ZNF813: variants seen among roughly 807,000 people sequenced by gnomAD.
ZNF813 encodes zinc finger protein 813.
In ZNF813, 3 loss-of-function variants were observed where a neutral mutation model predicts 7.2. That is an observed-to-expected ratio of 0.42 (90% CI 0.19 to 1.08). The LOEUF is 1.08. Ranked by LOEUF, ZNF813 falls within the 50% of genes least tolerant of loss-of-function variation. The pLI, the probability that ZNF813 is intolerant of heterozygous loss-of-function variation, is 0.30. For synonymous variants in ZNF813, 227 were observed against 256.3 expected (o/e 0.89, Z 1.09); for missense variants, 714 against 753.3 (o/e 0.95, Z 0.61).
chr19:53,483,941 G>T, intron 2 of ZNF813, 104 bp downstream of exon 2: 1 of 1,601,872 alleles, frequency 6.2e-7, no homozygotes, highest in East Asian at 2.2e-5. Flanking sequence ...TGCCTGACAG[G>T]TTTGCTCACA....
chr19:53,468,985 T>A (rs925456509), intron 1 of ZNF813, among the ~76,000 whole-genome samples: 1 of 149,170 alleles, frequency 6.7e-6, no homozygotes, highest in Non-Finnish European at 1.5e-5. Flanking sequence ...GGGGGGAAAC[T>A]TGGACAATAC....
chr19:53,470,610 T>C (rs1193347547), intron 1 of ZNF813, among the ~76,000 whole-genome samples: 2 of 130,622 alleles, frequency 1.5e-5, no homozygotes, highest in African/African-American at 6.1e-5. Context: ...CAATTCTTAG[T>C]ATTTCTAGAA....
chr19:53,494,766 T>C lies in ZNF813; in HGVS notation c.*2680T>C. The C allele has an allele frequency of 6.6e-6, 1 of 152,380 alleles. No individual in the cohort carries two copies. The highest frequency in any genetic ancestry group is 1.5e-5 in the Non-Finnish European group (1 of 68,066). The allele number at this position is 152,380 out of a possible 1,614,324, so 9.4% of individuals were successfully genotyped here. ...GACCAGATGCAGTGGCTCAGGCCTGTAATCCCAGCACTTTCAGAGGCCAAG... is the reference window on the plus strand; with the variant it reads ...GACCAGATGCAGTGGCTCAGGCCTGCAATCCCAGCACTTTCAGAGGCCAAG... On this transcript the variant is annotated 3_prime_UTR_variant, in exon 4 of 4. Transcript: ENST00000396403.
At chr19:53,488,341 C>A (rs1481987946) in intron 3 of ZNF813, 1 of 427,258 alleles carries the variant, frequency 2.3e-6, no homozygotes, top group South Asian at 1.7e-5. Context: ...TTTTAATTTA[C>A]CTTTACTGGA....
Position 53,491,568 on chromosome 19 carries a change from A to G in ZNF813, c.1336A>G (p.Lys446Glu), listed in dbSNP as rs2086462558. Residue 446 changes from lysine to glutamate, a missense_variant, in exon 4 of 4, where the codon AAG (lysine) becomes GAG (glutamate). Transcript: ENST00000396403. ...EKPYKCTECVKTFSRNSALVI... is the reference protein window; with the variant it reads ...EKPYKCTECVETFSRNSALVI... The stretch of plus-strand genomic sequence containing the variant: ...ACCCTACAAGTGTACTGAGTGTGTC[A>G]AGACGTTCAGTCGAAATTCAGCCCT... The G allele has an allele frequency of 6.3e-7, 1 of 1,584,792 alleles. No individual in the cohort carries two copies. The highest frequency in any genetic ancestry group is 1.3e-5 in the African/African-American group (1 of 74,576).
At chr19:53,488,838 T>C (rs1186392514) in intron 3 of ZNF813, among the ~76,000 whole-genome samples, 1 of 152,214 alleles carries the variant, frequency 6.6e-6, no homozygotes, top group African/African-American at 2.4e-5. Flanking sequence ...ATAGAAGTTG[T>C]GGCTTTTTTC....
At position 53,468,665 on chromosome 19, in the gene ZNF813, T is replaced by C. The variant is rs759490898; in HGVS notation, c.-74+876T>C. Among the ~76,000 whole-genome samples, 18 of 152,342 alleles carry C rather than the reference T, an allele frequency of 1.2e-4. 1 individual carries two copies. The highest frequency in any genetic ancestry group is 4.1e-4 in the African/African-American group (17 of 41,588). On this transcript the variant is annotated intron_variant, in intron 1 of 3. Transcript: ENST00000396403. ...CAGATGTGCACGTAGGCTAGATTTA[T>C]GTTTCTCTTCACCCAAACATCTCAG...
intron 2 of ZNF813, 114 bp from the exon 3 acceptor site, chr19:53,486,518 G>C: frequency 6.3e-7 from 1 of 1,586,704 alleles, no homozygotes; most frequent in Non-Finnish European, 8.6e-7. Context: ...ACTCGGATTT[G>C]TCAGAACATT....
At chr19:53,484,304 GT>G (rs2086422720) in intron 2 of ZNF813, among the ~76,000 whole-genome samples, 1 of 152,160 alleles carries the variant, frequency 6.6e-6, no homozygotes, top group African/African-American at 2.4e-5. Context: ...AGTTTTTTGA[GT>G]GAGTTACTGT....
chr19:53,479,326 G>A (rs1367418018), intron 1 of ZNF813: 7 of 1,588,564 alleles, frequency 4.4e-6, no homozygotes, highest in Non-Finnish European at 6.0e-6. Context: ...GAACCGGAGT[G>A]TGAGCAGTAG....
intron 1 of ZNF813, among the ~76,000 whole-genome samples, chr19:53,472,263 G>T (rs538699204): frequency 6.6e-6 from 1 of 152,254 alleles, no homozygotes; most frequent in African/African-American, 2.4e-5. Flanking sequence ...GGCCTTTGTT[G>T]TGTGCTGGGG....
chr19:53,489,759 T>G (rs546275563), intron 3 of ZNF813, among the ~76,000 whole-genome samples: 3 of 152,244 alleles, frequency 2.0e-5, no homozygotes, highest in African/African-American at 7.2e-5. Flanking sequence ...AGTACAGTGT[T>G]GCAATCTCAG....
intron 1 of ZNF813, chr19:53,479,425 T>C (rs1299005609): frequency 6.4e-7 from 1 of 1,565,232 alleles, no homozygotes; most frequent in African/African-American, 1.4e-5. Context: ...TGATGAGGAG[T>C]GAGCTGAGCA....
At chr19:53,473,866 G>A (rs1298124842) in intron 1 of ZNF813, among the ~76,000 whole-genome samples, 1 of 152,132 alleles carries the variant, frequency 6.6e-6, no homozygotes, top group Admixed American at 6.5e-5. Context: ...TTATTTGGTG[G>A]GGGTGCACCT....
chr19:53,481,851 A>G (rs2086409858), intron 1 of ZNF813, among the ~76,000 whole-genome samples: 1 of 152,206 alleles, frequency 6.6e-6, no homozygotes, highest in Admixed American at 6.5e-5. Flanking sequence ...GCCCAGGCAT[A>G]TGAAAGATGC....
intron 1 of ZNF813, among the ~76,000 whole-genome samples, chr19:53,480,592 T>C (rs568583205): frequency 6.6e-6 from 1 of 152,324 alleles, no homozygotes; most frequent in Admixed American, 6.5e-5. Flanking sequence ...ATTGAAAACC[T>C]TTAGTACCGA....
intron 1 of ZNF813, among the ~76,000 whole-genome samples, chr19:53,476,093 AGTGTTCCTT>A (rs1211993242): frequency 2.0e-5 from 3 of 152,190 alleles, no homozygotes; most frequent in East Asian, 3.9e-4. Context: ...TAGCCAAGCC[AGTGTTCCTT>A]GTGGCTCACT....
rs2086469216 is a variant in ZNF813, at chr19:53,492,588, TACTC to T, written c.*505_*508del. ...AAAGCCTTAATGAGCAGTCAACACT[TACTC>T]ACCATCAGGCAATCCATGGTGAAGG... On this transcript the variant is annotated 3_prime_UTR_variant, in exon 4 of 4. Transcript: ENST00000396403. 6.0e-5 allele frequency: 38 copies of T among 630,196 alleles called. No homozygotes were observed. Among genetic ancestry groups the T allele is most frequent in the South Asian group, 5.1e-4 (36 of 70,632 alleles). The allele number at this position is 630,196 out of a possible 1,614,324, so 39.0% of individuals were successfully genotyped here. A position where few individuals can be genotyped will look rare whatever the true frequency, so the allele number is the denominator to read the frequency against.
intron 1 of ZNF813, among the ~76,000 whole-genome samples, chr19:53,481,662 T>C (rs2086409187): frequency 6.6e-6 from 1 of 152,166 alleles, no homozygotes; most frequent in Non-Finnish European, 1.5e-5. Context: ...CATGTATTCT[T>C]GATTGAAAAA....
Sources: gnomAD v4.1 joint callset for allele counts (sites outside exome capture counted in the v4.1 genomes callset) on GRCh38, gnomAD v4.1.1 for gene constraint, MANE v1.5 for transcripts, NCBI Gene and HGNC (gene_info 2026-07-23, HGNC 2026-07-21) for gene names.